The following ROBO2 variants were observed in gnomAD, a reference collection of about 807,000 sequenced individuals.
ROBO2 encodes the protein roundabout homolog 2.
Under a neutral mutation model 160.8 loss-of-function variants are expected in ROBO2, and 53 were observed. That is an observed-to-expected ratio of 0.33 (90% CI 0.26 to 0.41). The LOEUF is 0.41. ROBO2 is among the 10% of genes least tolerant of loss of function. ROBO2 has a pLI of 1.00. For missense variants in ROBO2, 1,577 were observed against 1,722.4 expected, an observed-to-expected ratio of 0.92 and a Z score of 1.49; for synonymous variants, 664 against 611.7, an observed-to-expected ratio of 1.09 and a Z score of -1.26.
intron 2 of ROBO2, among the ~76,000 whole-genome samples, chr3:76,250,833 C>T (rs534618308): frequency 5.9e-5 from 9 of 151,966 alleles, no homozygotes; most frequent in Admixed American, 6.6e-5. Flanking sequence ...GCATATTCCC[C>T]GAATCAAAGT....
chr3:76,097,276 G>A lies in ROBO2; in HGVS notation c.109+159674G>A, dbSNP rs375047582. 6.6e-5 allele frequency among the ~76,000 whole-genome samples: 10 copies of A among 152,218 alleles called. No homozygotes were observed. In the South Asian group the frequency reaches 2.1e-3, roughly 32 times the overall value. ...CTGACGGCATGAGCCTATTTGTCAG[G>A]ATGGCCCCAACCCGTTCCCAGTGCA... On this transcript the variant is annotated intron_variant, in intron 2 of 26. Coordinates refer to the ROBO2 transcript ENST00000487694.
chr3:77,511,696 A>G (rs2089420290), intron 5 of ROBO2, among the ~76,000 whole-genome samples: 1 of 151,948 alleles, frequency 6.6e-6, no homozygotes, highest in Admixed American at 6.6e-5. Context: ...GGAAGTCAAG[A>G]GAGGCTAAAA....
intron 2 of ROBO2, among the ~76,000 whole-genome samples, chr3:77,218,841 C>A (rs1349177196): frequency 6.6e-6 from 1 of 152,180 alleles, no homozygotes; most frequent in Non-Finnish European, 1.5e-5. Context: ...TGCACATTTT[C>A]ATTGACACTC....
intron 5 of ROBO2, among the ~76,000 whole-genome samples, chr3:77,494,808 G>T (rs2153601763): frequency 6.6e-6 from 1 of 152,306 alleles, no homozygotes; most frequent in African/African-American, 2.4e-5. Context: ...GAATAAACTG[G>T]ATTCAAATGC....
chr3:76,662,586 C>A (rs565367845), intron 2 of ROBO2, among the ~76,000 whole-genome samples: 2 of 151,814 alleles, frequency 1.3e-5, no homozygotes, highest in Non-Finnish European at 2.9e-5. Flanking sequence ...AGTACTAATG[C>A]GAGTTAGGTG....
intron 2 of ROBO2, chr3:76,434,920 C>T (rs1010646638): frequency 6.2e-7 from 1 of 1,600,014 alleles, no homozygotes; most frequent in Non-Finnish European, 8.6e-7. Context: ...AAACCCCAAA[C>T]CAGCCCATCC....
chr3:77,251,787 C>G (rs1285082053), intron 2 of ROBO2, among the ~76,000 whole-genome samples: 2 of 152,136 alleles, frequency 1.3e-5, no homozygotes, highest in Non-Finnish European at 2.9e-5. Flanking sequence ...TCACTTGACT[C>G]TCTGTCTGTC....
intron 2 of ROBO2, among the ~76,000 whole-genome samples, chr3:76,056,999 A>G (rs1019269388): frequency 2.0e-5 from 3 of 152,184 alleles, no homozygotes; most frequent in Admixed American, 2.0e-4. Flanking sequence ...TATGTTATTT[A>G]CCTGAATATT....
At chr3:76,617,044 C>G (rs924774623) in intron 2 of ROBO2, among the ~76,000 whole-genome samples, 1 of 152,020 alleles carries the variant, frequency 6.6e-6, no homozygotes, top group Non-Finnish European at 1.5e-5. Context: ...CAGTGTGGCC[C>G]AGGGCATTGG....
chr3:76,919,750 A>C (rs1278955540), intron 2 of ROBO2, among the ~76,000 whole-genome samples: 1 of 152,196 alleles, frequency 6.6e-6, no homozygotes, highest in African/African-American at 2.4e-5. Context: ...GCCTGTGACT[A>C]CTTGCTTTGC....
chr3:76,850,522 C>T (rs2069237540), intron 2 of ROBO2, among the ~76,000 whole-genome samples: 1 of 152,132 alleles, frequency 6.6e-6, no homozygotes, highest in African/African-American at 2.4e-5. Flanking sequence ...ACTGAGATAT[C>T]TCTGAAGTAT....
chr3:76,865,210 A>G (rs926325586), intron 2 of ROBO2, among the ~76,000 whole-genome samples: 3 of 152,018 alleles, frequency 2.0e-5, no homozygotes, highest in African/African-American at 7.2e-5. Flanking sequence ...GTGAAGCATT[A>G]TGTTTTTGTC....
At chr3:77,444,896 C>T (rs1013238465) in intron 2 of ROBO2, among the ~76,000 whole-genome samples, 6 of 152,184 alleles carry the variant, frequency 3.9e-5, no homozygotes, top group South Asian at 2.1e-4. Flanking sequence ...TTGGAATGTG[C>T]GGAGGCATCC....
intron 2 of ROBO2, among the ~76,000 whole-genome samples, chr3:76,536,298 A>C (rs2082497565): frequency 1.3e-5 from 2 of 152,152 alleles, no homozygotes; most frequent in African/African-American, 4.8e-5. Context: ...GGCAAGGTTG[A>C]TTACTCCTGT....
intron 2 of ROBO2, among the ~76,000 whole-genome samples, chr3:76,100,621 A>T (rs2069644880): frequency 6.6e-6 from 1 of 152,354 alleles, no homozygotes; most frequent in East Asian, 1.9e-4. Flanking sequence ...GGAAAATATA[A>T]AAGGAAAAAG....
intron 2 of ROBO2, among the ~76,000 whole-genome samples, chr3:76,741,127 C>T (rs1041385653): frequency 5.3e-5 from 8 of 151,936 alleles, no homozygotes; most frequent in African/African-American, 1.2e-4. Context: ...GGTGGGGACT[C>T]GGTTTATAGG....
chr3:76,804,641 GC>G (rs1030110909), intron 2 of ROBO2, among the ~76,000 whole-genome samples: 1 of 152,124 alleles, frequency 6.6e-6, no homozygotes, highest in African/African-American at 2.4e-5. Context: ...TATTAGCTTC[GC>G]AAACACTAGT....
At chr3:76,003,649 T>TA (rs2065947168) in intron 2 of ROBO2, among the ~76,000 whole-genome samples, 1 of 152,108 alleles carries the variant, frequency 6.6e-6, no homozygotes, top group African/African-American at 2.4e-5. Context: ...GGATAGAAAA[T>TA]ATAGTATTCC....
chr3:76,599,478 T>A (rs955337374), intron 2 of ROBO2, among the ~76,000 whole-genome samples: 1 of 152,216 alleles, frequency 6.6e-6, no homozygotes, highest in Admixed American at 6.5e-5. Flanking sequence ...ATTCCATGTC[T>A]TTGTTATTGT....
Sources: gnomAD v4.1 joint callset for allele counts (sites outside exome capture counted in the v4.1 genomes callset) on GRCh38, gnomAD v4.1.1 for gene constraint, MANE v1.5 for transcripts, NCBI Gene and HGNC (gene_info 2026-07-23, HGNC 2026-07-21) for gene names.